The following IGFL2 variants were observed in gnomAD, a reference collection of about 807,000 sequenced individuals.
The protein encoded by IGFL2 is insulin growth factor-like family member 2.
Under a neutral mutation model 13.9 loss-of-function variants are expected in IGFL2, and 7 were observed. The observed-to-expected ratio is 0.51, with a 90% CI of 0.29 to 0.95. IGFL2 has a LOEUF of 0.95. IGFL2 is among the 40% of genes least tolerant of loss of function. The pLI, the probability that IGFL2 is intolerant of heterozygous loss-of-function variation, is 0.08. For missense variants in IGFL2, 138 were observed against 147.8 expected (o/e 0.93, Z 0.34); for synonymous variants, 55 against 55.8 (o/e 0.99, Z 0.07).
chr19:46,136,862 G>A, the IGFL2 span: 4 of 738,658 alleles, frequency 5.4e-6, no homozygotes, highest in Non-Finnish European at 9.9e-6. Flanking sequence ...GGGGAGGAGT[G>A]TTGAAAAGAC....
At chr19:46,136,980 C>G in the IGFL2 span, 1 of 1,506,888 alleles carries the variant, frequency 6.6e-7, no homozygotes, top group Non-Finnish European at 9.2e-7. Context: ...TGTGTTTTGT[C>G]CCACACCAAC....
the IGFL2 span, among the ~76,000 whole-genome samples, chr19:46,187,943 T>C: frequency 0.017 from 1,873 of 110,246 alleles, no homozygotes; most frequent in Non-Finnish European, 0.023. Flanking sequence ...TGAGATCGTG[T>C]TGCTGGTGTG....
chr19:46,110,178 CTGTT>C, the IGFL2 span, among the ~76,000 whole-genome samples: 1 of 152,236 alleles, frequency 6.6e-6, no homozygotes, highest in Non-Finnish European at 1.5e-5. Flanking sequence ...GAACCTGTCA[CTGTT>C]TGATAAACTG....
chr19:46,084,652 T>G, the IGFL2 span, among the ~76,000 whole-genome samples: 2,047 of 152,178 alleles, frequency 0.013, 32 homozygotes, highest in Middle Eastern at 0.027. Context: ...GAGCAGAAGC[T>G]AGAGAGAGAG....
At chr19:46,080,401 A>G in the IGFL2 span, among the ~76,000 whole-genome samples, 3 of 151,432 alleles carry the variant, frequency 2.0e-5, no homozygotes, top group Non-Finnish European at 2.9e-5. Flanking sequence ...TTAAAATAAA[A>G]AAAAGAATAA....
chr19:46,165,644 A>T (rs189238428), downstream of IGFL2, among the ~76,000 whole-genome samples: 389 of 152,362 alleles, frequency 2.6e-3, 1 homozygote, highest in Non-Finnish European at 2.9e-3. Flanking sequence ...TCCTCATGCA[A>T]GAGGGACAGG....
the IGFL2 span, among the ~76,000 whole-genome samples, chr19:46,133,814 C>G: frequency 6.6e-6 from 1 of 152,164 alleles, no homozygotes; most frequent in Admixed American, 6.5e-5. Flanking sequence ...AGGCAAGCCC[C>G]TAAATAATAC....
the IGFL2 span, chr19:46,207,610 G>A: frequency 2.0e-5 from 3 of 152,132 alleles, no homozygotes; most frequent in African/African-American, 7.2e-5. Context: ...TCAAACTCCT[G>A]ACCTCAGATG....
chr19:46,115,811 CTT>C, the IGFL2 span, among the ~76,000 whole-genome samples: 3 of 152,198 alleles, frequency 2.0e-5, no homozygotes, highest in Non-Finnish European at 2.9e-5. Context: ...AGTAGAGCCA[CTT>C]ACCAGCAAAA....
intron 1 of IGFL2, among the ~76,000 whole-genome samples, chr19:46,158,331 C>G (rs1973935699): frequency 6.6e-6 from 1 of 152,044 alleles, no homozygotes; most frequent in African/African-American, 2.4e-5. Flanking sequence ...GCCTCAGGCC[C>G]CCTAGTAGCT....
At chr19:46,088,685 T>C in the IGFL2 span, among the ~76,000 whole-genome samples, 1 of 152,200 alleles carries the variant, frequency 6.6e-6, no homozygotes, top group African/African-American at 2.4e-5. Context: ...TTGAGGCATT[T>C]GGGTGACAAT....
intron 1 of IGFL2, among the ~76,000 whole-genome samples, chr19:46,152,628 A>G (rs1409429943): frequency 1.3e-5 from 2 of 152,160 alleles, no homozygotes; most frequent in African/African-American, 4.8e-5. Flanking sequence ...GCAAATAGAA[A>G]TCATTTTACT....
upstream of IGFL2, among the ~76,000 whole-genome samples, chr19:46,139,297 G>T (rs1191597173): frequency 6.7e-6 from 1 of 150,138 alleles, no homozygotes; most frequent in African/African-American, 2.5e-5. Flanking sequence ...GCTCTTCCTG[G>T]CTGCATCTAG....
the IGFL2 span, among the ~76,000 whole-genome samples, chr19:46,170,806 C>T: frequency 6.6e-6 from 1 of 152,160 alleles, no homozygotes; most frequent in Admixed American, 6.5e-5. Flanking sequence ...GAAATTCCAG[C>T]CTGGCGAATT....
At chr19:46,166,098 A>C (rs1157237745), downstream of IGFL2, among the ~76,000 whole-genome samples, 1 of 152,220 alleles carries the variant, frequency 6.6e-6, no homozygotes, top group East Asian at 1.9e-4. Context: ...TCTAACTTCC[A>C]AAAAGGTGTT....
At chr19:46,117,130 T>C in the IGFL2 span, among the ~76,000 whole-genome samples, 3 of 152,212 alleles carry the variant, frequency 2.0e-5, no homozygotes, top group Non-Finnish European at 4.4e-5. Context: ...TTATTTATTT[T>C]TAAAATAATT....
chr19:46,088,200 T>C, the IGFL2 span, among the ~76,000 whole-genome samples: 1 of 152,248 alleles, frequency 6.6e-6, no homozygotes, highest in Admixed American at 6.5e-5. Context: ...GATGATCTAT[T>C]TGAAGTGTCA....
At chr19:46,171,973 CAA>C in the IGFL2 span, among the ~76,000 whole-genome samples, 2 of 148,108 alleles carry the variant, frequency 1.4e-5, no homozygotes, top group Non-Finnish European at 3.0e-5. Context: ...ATCTGAATTG[CAA>C]AAAAAAAATT....
chr19:46,132,282 A>G, the IGFL2 span, among the ~76,000 whole-genome samples: 1 of 152,180 alleles, frequency 6.6e-6, no homozygotes, highest in Non-Finnish European at 1.5e-5. Context: ...CCACGTTACA[A>G]AAGAAAATGA....
Sources: allele counts gnomAD v4.1 joint callset (sites outside exome capture counted in the v4.1 genomes callset), GRCh38; gene constraint gnomAD v4.1.1; transcripts MANE v1.5; gene names NCBI Gene and HGNC (gene_info 2026-07-23, HGNC 2026-07-21).